The following FRMD4B variants were observed in gnomAD, a reference collection of about 807,000 sequenced individuals.
FRMD4B encodes FERM domain-containing protein 4B.
FRMD4B carries 74 observed loss-of-function variants against 141.5 expected under a neutral mutation model. The observed-to-expected ratio is 0.52, with a 90% CI of 0.43 to 0.63. FRMD4B has a LOEUF of 0.63. Ranked by LOEUF, FRMD4B falls within the 30% of genes least tolerant of loss-of-function variation. The probability of loss-of-function intolerance (pLI) is 0.00; values close to 1 mark genes in which losing one functional copy is unlikely to be tolerated. For missense variants in FRMD4B, 1,366 were observed against 1,253.4 expected (o/e 1.09, Z -1.36); for synonymous variants, 506 against 467.9 (o/e 1.08, Z -1.05).
intron 1 of FRMD4B, chr3:69,323,014 A>G: frequency 1.1e-5 from 11 of 978,196 alleles, no homozygotes; most frequent in Non-Finnish European, 1.3e-5. Flanking sequence ...ACTCCTGTAC[A>G]TCTCTTGCAG....
At chr3:69,520,364 A>AAT (rs1264547413) in intron 1 of FRMD4B, among the ~76,000 whole-genome samples, 1 of 136,774 alleles carries the variant, frequency 7.3e-6, no homozygotes, top group Non-Finnish European at 1.5e-5. Flanking sequence ...TATATGATGG[A>AAT]ATATATATAT....
chr3:69,384,642 A>T (rs1351516495), intron 1 of FRMD4B, among the ~76,000 whole-genome samples: 2 of 152,194 alleles, frequency 1.3e-5, no homozygotes, highest in African/African-American at 4.8e-5. Flanking sequence ...TCCATTTCAA[A>T]ATGCAAGATA....
At chr3:69,212,569 A>G (rs1324536445) in intron 11 of FRMD4B, among the ~76,000 whole-genome samples, 2 of 152,124 alleles carry the variant, frequency 1.3e-5, no homozygotes, top group African/African-American at 4.8e-5. Context: ...ATCAGTGTCA[A>G]GAAGTATTTG....
At chr3:69,448,468 T>G (rs539226771) in intron 1 of FRMD4B, among the ~76,000 whole-genome samples, 24 of 152,354 alleles carry the variant, frequency 1.6e-4, no homozygotes, top group African/African-American at 5.8e-4. Context: ...GTTTTACCAT[T>G]TTATATTTAC....
At chr3:69,476,480 T>A (rs951329987) in intron 1 of FRMD4B, among the ~76,000 whole-genome samples, 41 of 152,334 alleles carry the variant, frequency 2.7e-4, no homozygotes, top group African/African-American at 9.1e-4. Flanking sequence ...CCATTGCTTG[T>A]TTTTGTCAGG....
intron 3 of FRMD4B, among the ~76,000 whole-genome samples, chr3:69,307,252 A>G (rs1701427521): frequency 6.6e-6 from 1 of 152,142 alleles, no homozygotes; most frequent in Non-Finnish European, 1.5e-5. Flanking sequence ...GGCTGTGTGA[A>G]CCATTCTTCT....
intron 1 of FRMD4B, among the ~76,000 whole-genome samples, chr3:69,492,963 C>T (rs1019805960): frequency 6.6e-6 from 1 of 152,198 alleles, no homozygotes; most frequent in East Asian, 1.9e-4. Context: ...TTCTCAGCAA[C>T]CATCTCTGTA....
At position 69,180,840 on chromosome 3, in the gene FRMD4B, G is replaced by A. The variant is rs1221960409; in HGVS notation, c.2851+59C>T. On this transcript the variant is annotated intron_variant, in intron 21 of 22. Transcript: ENST00000398540. Reference sequence around the variant, plus strand: ...CATGATCCGTGAGGCGGTTTTAGGTGGGCAGGAAACACGATGTAAATAAAA... The same window carrying A: ...CATGATCCGTGAGGCGGTTTTAGGTAGGCAGGAAACACGATGTAAATAAAA... The A allele has an allele frequency of 4.0e-6, 5 of 1,251,848 alleles. No homozygotes were observed. The Admixed American group carries it at 9.8e-5, about 24-fold the overall frequency. 77.5% of individuals were successfully genotyped at this position (1,251,848 alleles called of 1,614,324 possible). A position where few individuals can be genotyped will look rare whatever the true frequency, so the allele number is the denominator to read the frequency against.
chr3:69,270,327 T>C (rs557649194), intron 5 of FRMD4B, among the ~76,000 whole-genome samples: 1 of 152,294 alleles, frequency 6.6e-6, no homozygotes, highest in South Asian at 2.1e-4. Flanking sequence ...TCAAACCTCC[T>C]CCTTAGGGCT....
chr3:69,540,475 G>T (rs936596979), intron 1 of FRMD4B, among the ~76,000 whole-genome samples: 1 of 149,596 alleles, frequency 6.7e-6, no homozygotes, highest in South Asian at 2.1e-4. Flanking sequence ...TTAGCCAGGC[G>T]TGGTGGCATG....
chr3:69,329,521 T>TA (rs2107322828), intron 1 of FRMD4B, among the ~76,000 whole-genome samples: 1 of 96,238 alleles, frequency 1.0e-5, no homozygotes, highest in African/African-American at 8.9e-5. Context: ...AGCTAATTTT[T>TA]TTTTTTTTTT....
chr3:69,246,795 C>T (rs528305418), intron 7 of FRMD4B, among the ~76,000 whole-genome samples: 3 of 152,336 alleles, frequency 2.0e-5, no homozygotes, highest in South Asian at 2.1e-4. Context: ...CTCGTGATCA[C>T]TCAGGAAAAC....
In FRMD4B at chr3:69,449,091, ACT is replaced by A. The variant is rs555228442; in HGVS notation, c.-128-16332_-128-16331del. 3.9e-3 allele frequency among the ~76,000 whole-genome samples: 595 copies of A among 152,158 alleles called. 7 individuals carry two copies. Among genetic ancestry groups the A allele is most frequent in the African/African-American group, 0.014 (578 of 41,500 alleles). ...ATTAATATTCAACAGGCTTTATATA[ACT>A]CTGCTTAATTCAATGCATAACTCAG... On this transcript the variant is annotated intron_variant, in intron 1 of 5. Coordinates refer to the FRMD4B transcript ENST00000459638.
intron 1 of FRMD4B, among the ~76,000 whole-genome samples, chr3:69,319,370 C>T (rs12492029): frequency 0.33 from 49,630 of 152,036 alleles, 9,228 homozygotes; most frequent in East Asian, 0.59. Context: ...TGTTTGAAAA[C>T]TGACAGCTAC....
chr3:69,205,979 T>TA (rs1273405143), intron 11 of FRMD4B, among the ~76,000 whole-genome samples: 1 of 152,182 alleles, frequency 6.6e-6, no homozygotes, highest in Non-Finnish European at 1.5e-5. Flanking sequence ...TGTGCTGAAC[T>TA]AAAATCTCAT....
chr3:69,473,246 AT>A (rs1046440223), intron 1 of FRMD4B, among the ~76,000 whole-genome samples: 1 of 151,918 alleles, frequency 6.6e-6, no homozygotes, highest in Non-Finnish European at 1.5e-5. Context: ...GCAAGCACTT[AT>A]GTATTCTTGG....
chr3:69,359,405 C>T lies in FRMD4B; in HGVS notation c.162+26423G>A, dbSNP rs1326058506. Among the ~76,000 whole-genome samples the T allele has an allele frequency of 2.0e-5, 3 of 152,276 alleles. No homozygotes were observed. In the East Asian group the frequency reaches 5.8e-4, roughly 29 times the overall value. On this transcript the variant is annotated intron_variant, in intron 1 of 22. Coordinates refer to ENST00000398540, the MANE Select transcript of FRMD4B (RefSeq NM_015123.3). ...CTAATATTTTGAATGAATAGAACTT[C>T]TGTTTAAAAAGGAAAAGTACCAAAT...
At chr3:69,182,994 C>G (rs2092725285) in intron 19 of FRMD4B, among the ~76,000 whole-genome samples, 2 of 152,214 alleles carry the variant, frequency 1.3e-5, no homozygotes, top group Admixed American at 1.3e-4. Flanking sequence ...GCAACTAGAG[C>G]TGTTTATGTA....
intron 2 of FRMD4B, among the ~76,000 whole-genome samples, chr3:69,411,146 A>T (rs919690306): frequency 1.1e-4 from 16 of 152,084 alleles, no homozygotes; most frequent in African/African-American, 3.4e-4. Flanking sequence ...AAAACAAAAC[A>T]CATCAGAACA....
Sources: allele counts gnomAD v4.1 joint callset (sites outside exome capture counted in the v4.1 genomes callset), GRCh38; gene constraint gnomAD v4.1.1; transcripts MANE v1.5; gene names NCBI Gene and HGNC (gene_info 2026-07-23, HGNC 2026-07-21).